The following MRPS9 variants were observed in gnomAD, a reference collection of about 807,000 sequenced individuals.
MRPS9 encodes mitochondrial ribosomal protein S9, also known as small ribosomal subunit protein uS9m.
MRPS9 carries 45 observed loss-of-function variants against 59.9 expected under a neutral mutation model. That is an observed-to-expected ratio of 0.75 (90% confidence interval 0.59 to 0.96). The LOEUF is 0.96. Among genes scored for constraint, MRPS9 ranks in the 40% least tolerant of loss-of-function variants. The pLI is 0.00. For synonymous variants in MRPS9, 171 were observed against 166.8 expected (o/e 1.03, Z -0.19); for missense variants, 473 against 481.1 (o/e 0.98, Z 0.16).
At chr2:105,050,576 G>A (rs923178350) in intron 2 of MRPS9, among the ~76,000 whole-genome samples, 2 of 152,178 alleles carry the variant, frequency 1.3e-5, no homozygotes, top group Non-Finnish European at 2.9e-5. Flanking sequence ...CTATTCTTCA[G>A]TTAAGTATAA....
At chr2:105,085,954 T>C (rs530245751) in intron 5 of MRPS9, among the ~76,000 whole-genome samples, 1 of 152,290 alleles carries the variant, frequency 6.6e-6, no homozygotes, top group South Asian at 2.1e-4. Flanking sequence ...TTGATGTAAA[T>C]TAGCACACAT....
rs78866543 is a variant in MRPS9, at chr2:105,078,465, C to T, written c.410-1518C>T. On this transcript the variant is annotated intron_variant, in intron 4 of 10. Coordinates refer to ENST00000258455, the MANE Select transcript of MRPS9 (RefSeq NM_182640.3). ...TTTGTCATTTTTTATCACTTTCTGA[C>T]GGACTAACCATACAGTGAAAATCAA... 3.1e-3 allele frequency among the ~76,000 whole-genome samples: 467 copies of T among 151,882 alleles called. 2 individuals are homozygous for T. The highest frequency in any genetic ancestry group is 0.011 in the African/African-American group (441 of 41,366).
chr2:105,058,261 C>T (rs1276190177), intron 2 of MRPS9, among the ~76,000 whole-genome samples: 2 of 152,156 alleles, frequency 1.3e-5, no homozygotes, highest in East Asian at 1.9e-4. Context: ...AGCACCTGTA[C>T]ATTAGTCTCA....
At chr2:105,052,182 G>A (rs754477270) in intron 2 of MRPS9, among the ~76,000 whole-genome samples, 22 of 152,146 alleles carry the variant, frequency 1.4e-4, no homozygotes, top group Admixed American at 5.2e-4. Flanking sequence ...AAGAGTGGAT[G>A]TCCCAATTTT....
At chr2:105,045,542 C>T in intron 1 of MRPS9, among the ~76,000 whole-genome samples, 1 of 151,466 alleles carries the variant, frequency 6.6e-6, no homozygotes, top group Non-Finnish European at 1.5e-5. Flanking sequence ...AAAAGATGGG[C>T]AGTGATATTC....
At chr2:105,069,456 AC>A (rs1490830138) in intron 2 of MRPS9, among the ~76,000 whole-genome samples, 2 of 151,970 alleles carry the variant, frequency 1.3e-5, no homozygotes, top group African/African-American at 2.4e-5. Flanking sequence ...CTCGTGATCC[AC>A]CCACCTCAGC....
intron 2 of MRPS9, among the ~76,000 whole-genome samples, chr2:105,052,252 C>A (rs73945009): frequency 0.21 from 31,480 of 152,032 alleles, 3,337 homozygotes; most frequent in Middle Eastern, 0.35. Flanking sequence ...GTTAGCTGTG[C>A]GTTTTTCATG....
At chr2:105,088,865 C>A in intron 5 of MRPS9, 119 bp from the exon 6 acceptor site, 1 of 525,000 alleles carries the variant, frequency 1.9e-6, no homozygotes, top group Non-Finnish European at 3.3e-6. Context: ...CAGCTTGATT[C>A]TCTGAGGAGG....
chr2:105,083,146 G>A (rs1680380457), intron 5 of MRPS9, among the ~76,000 whole-genome samples: 1 of 152,196 alleles, frequency 6.6e-6, no homozygotes, highest in African/African-American at 2.4e-5. Flanking sequence ...TCAAGAAAGA[G>A]AGAAAGAATA....
intron 1 of MRPS9, 122 bp downstream of exon 1, chr2:105,038,349 T>A: frequency 7.6e-7 from 1 of 1,316,076 alleles, no homozygotes; most frequent in South Asian, 1.4e-5. Flanking sequence ...CTTAGGTATT[T>A]AGTGGAGGTC....
intron 2 of MRPS9, among the ~76,000 whole-genome samples, chr2:105,051,910 A>G (rs1051972087): frequency 6.6e-6 from 1 of 152,144 alleles, no homozygotes; most frequent in African/African-American, 2.4e-5. Flanking sequence ...TGAACTTACT[A>G]ATTCTCATAG....
chr2:105,091,140 G>A (rs1680549342), intron 7 of MRPS9, among the ~76,000 whole-genome samples: 1 of 151,972 alleles, frequency 6.6e-6, no homozygotes, highest in South Asian at 2.1e-4. Context: ...TAATACAGGT[G>A]TACAGCTATG....
chr2:105,095,918 C>T (rs564108517), intron 9 of MRPS9, among the ~76,000 whole-genome samples: 6 of 150,620 alleles, frequency 4.0e-5, no homozygotes, highest in African/African-American at 1.5e-4. Context: ...GCAGTCCTCC[C>T]ACCTCAGCCT....
chr2:105,064,278 A>T (rs142264430), intron 2 of MRPS9, among the ~76,000 whole-genome samples: 1 of 152,168 alleles, frequency 6.6e-6, no homozygotes, highest in Non-Finnish European at 1.5e-5. Flanking sequence ...ATGAGACCCG[A>T]AAGTAGGTCA....
intron 4 of MRPS9, among the ~76,000 whole-genome samples, chr2:105,076,438 G>A (rs1275037619): frequency 6.6e-6 from 1 of 152,188 alleles, no homozygotes; most frequent in Non-Finnish European, 1.5e-5. Context: ...GACAAGAACT[G>A]TTTTAAAAAC....
At chr2:105,073,040 A>G (rs1009212704) in intron 4 of MRPS9, among the ~76,000 whole-genome samples, 2 of 152,226 alleles carry the variant, frequency 1.3e-5, no homozygotes, top group Non-Finnish European at 1.5e-5. Flanking sequence ...CACAGGGCAC[A>G]GTAACTTACA....
intron 9 of MRPS9, among the ~76,000 whole-genome samples, chr2:105,096,124 G>A (rs1039156643): frequency 5.3e-5 from 8 of 152,022 alleles, no homozygotes; most frequent in South Asian, 2.1e-4. Context: ...TCCCTACATC[G>A]TATTGTTATA....
At chr2:105,065,658 C>G (rs1573430068) in intron 2 of MRPS9, among the ~76,000 whole-genome samples, 1 of 152,256 alleles carries the variant, frequency 6.6e-6, no homozygotes, top group East Asian at 1.9e-4. Context: ...ACCATGTTTT[C>G]GTGTTCACTG....
At chr2:105,038,410 GGTT>G (rs1448664198) in intron 1 of MRPS9, 183 bp downstream of exon 1, 5 of 729,576 alleles carry the variant, frequency 6.9e-6, no homozygotes, top group Non-Finnish European at 1.1e-5. Context: ...CCGCTCTAGA[GGTT>G]GTTACTTGTT....
Sources: allele counts gnomAD v4.1 joint callset (sites outside exome capture counted in the v4.1 genomes callset), GRCh38; gene constraint gnomAD v4.1.1; transcripts MANE v1.5; gene names NCBI Gene and HGNC (gene_info 2026-07-23, HGNC 2026-07-21).